PLXNA4: variants seen among roughly 807,000 people sequenced by gnomAD.
PLXNA4 encodes plexin A4, also known as plexin-A4.
Under a neutral mutation model 191.8 loss-of-function variants are expected in PLXNA4, and 44 were observed. That is an observed-to-expected ratio of 0.23 (90% confidence interval 0.18 to 0.29). The LOEUF (loss-of-function observed/expected upper bound fraction) is 0.29. Among genes scored for constraint, PLXNA4 ranks in the 10% least tolerant of loss-of-function variants. The pLI is 1.00. For synonymous variants in PLXNA4, 1,082 were observed against 1,009.5 expected, an observed-to-expected ratio of 1.07 and a Z score of -1.36; for missense variants, 1,800 against 2,488.8, an observed-to-expected ratio of 0.72 and a Z score of 5.89.
At chr7:132,564,287 CCTT>C (rs1474141577) in intron 1 of PLXNA4, among the ~76,000 whole-genome samples, 2 of 145,144 alleles carry the variant, frequency 1.4e-5, no homozygotes, top group African/African-American at 5.1e-5. Context: ...TCCTCCTCCT[CCTT>C]CTGCTGCTCC....
At chr7:132,388,773 G>C (rs902906515) in intron 3 of PLXNA4, among the ~76,000 whole-genome samples, 1 of 152,010 alleles carries the variant, frequency 6.6e-6, no homozygotes, top group Non-Finnish European at 1.5e-5. Flanking sequence ...TAGAATTCAG[G>C]GTGGGATGAG....
chr7:132,296,826 C>T (rs1456461611), intron 4 of PLXNA4, among the ~76,000 whole-genome samples: 1 of 152,062 alleles, frequency 6.6e-6, no homozygotes, highest in Non-Finnish European at 1.5e-5. Context: ...TGCCCAGCTG[C>T]AGGCTCCATC....
At chr7:132,562,706 CACCTCCTCCTCCTTT>C (rs1342074224) in intron 1 of PLXNA4, among the ~76,000 whole-genome samples, 1 of 107,072 alleles carries the variant, frequency 9.3e-6, no homozygotes, top group African/African-American at 4.0e-5. Flanking sequence ...CCTCCTCCTT[CACCTCCTCCTCCTTT>C]TCCTCGTCCT....
At chr7:132,563,046 T>C (rs1282423095) in intron 1 of PLXNA4, among the ~76,000 whole-genome samples, 3 of 70,214 alleles carry the variant, frequency 4.3e-5, no homozygotes, top group Non-Finnish European at 8.3e-5. Flanking sequence ...CCTTCTCTTC[T>C]TTCTCTGCCT....
intron 3 of PLXNA4, among the ~76,000 whole-genome samples, chr7:132,333,849 G>A (rs998934948): frequency 1.3e-5 from 2 of 152,152 alleles, no homozygotes; most frequent in African/African-American, 2.4e-5. Context: ...GCTTTTGAGC[G>A]GGAGGGACTC....
chr7:132,219,058 G>A (rs1798059014), intron 9 of PLXNA4, among the ~76,000 whole-genome samples: 1 of 152,180 alleles, frequency 6.6e-6, no homozygotes, highest in African/African-American at 2.4e-5. Context: ...TTCCTGAGAT[G>A]CAAGATGGTG....
chr7:132,127,015 T>A lies in PLXNA4; in HGVS notation c.*3464A>T, dbSNP rs1794786533. 6.8e-6 allele frequency: 1 copy of A among 146,944 alleles called. No homozygotes were observed. Among genetic ancestry groups the A allele is most frequent in the African/African-American group, 2.7e-5 (1 of 36,872 alleles). 9.1% of individuals were successfully genotyped at this position (146,944 alleles called of 1,614,324 possible). A position where few individuals can be genotyped will look rare whatever the true frequency, so the allele number is the denominator to read the frequency against. Reference sequence around the variant, plus strand: ...GGACAAAGAATGGGTAAAAGCTGCATCTGGGGGGACTTGTGGCCAGGAGAA... The same window carrying A: ...GGACAAAGAATGGGTAAAAGCTGCAACTGGGGGGACTTGTGGCCAGGAGAA... On this transcript the variant is annotated 3_prime_UTR_variant, in exon 32 of 32. Coordinates refer to ENST00000321063, the MANE Select transcript of PLXNA4 (RefSeq NM_020911.2).
At chr7:132,167,290 G>A (rs1188574672) in intron 22 of PLXNA4, among the ~76,000 whole-genome samples, 1 of 152,148 alleles carries the variant, frequency 6.6e-6, no homozygotes, top group African/African-American at 2.4e-5. Context: ...GGACCTTTAA[G>A]GTTTCAACAG....
intron 3 of PLXNA4, among the ~76,000 whole-genome samples, chr7:132,478,888 A>T (rs1396554001): frequency 1.3e-5 from 2 of 151,980 alleles, no homozygotes; most frequent in Non-Finnish European, 2.9e-5. Context: ...CAGAAAGACA[A>T]CCCATCTCTT....
rs535404195 is a variant in PLXNA4, at chr7:132,422,253, G to A, written c.1371+67039C>T. Among the ~76,000 whole-genome samples the A allele has an allele frequency of 2.0e-5, 3 of 152,302 alleles. No individual in the cohort carries two copies. The East Asian group carries it at 5.8e-4, about 29-fold the overall frequency. ...AGAATCTGACTTCCTGCAGAACAAT[G>A]GGTGCCTTACCCAGACAGAACTGAT... is the stretch of plus-strand genomic sequence containing the variant. On this transcript the variant is annotated intron_variant, in intron 3 of 31. Coordinates refer to ENST00000321063, the MANE Select transcript of PLXNA4 (RefSeq NM_020911.2).
rs1182728817 is a variant in PLXNA4, at chr7:132,507,914, T to A, written c.780A>T (p.Gln260His). The part of the protein sequence containing the change: ...SGNFVYFLTL[Q>H]PEMVSPPGST... ...AGCCTGGTGGAGACACCATCTCAGG[T>A]TGGAGGGTCAAAAAGTAGACAAAGT... is the stretch of plus-strand genomic sequence containing the variant. The change falls in exon 2 of 32, where the codon CAA becomes CAT. Residue 260 changes from glutamine to histidine, a missense_variant. Physicochemically the swap from Gln to His is conservative, Grantham distance 24. Transcript: ENST00000321063. The A allele has an allele frequency of 5.6e-6, 9 of 1,613,920 alleles. No homozygotes were observed. The highest frequency in any genetic ancestry group is 1.3e-5 in the African/African-American group (1 of 74,880).
intron 3 of PLXNA4, among the ~76,000 whole-genome samples, chr7:132,422,812 A>C (rs1294230273): frequency 6.6e-6 from 1 of 152,232 alleles, no homozygotes; most frequent in African/African-American, 2.4e-5. Context: ...AGGGGGTATT[A>C]TTACCCCACT....
intron 3 of PLXNA4, among the ~76,000 whole-genome samples, chr7:132,446,816 A>T (rs1795929108): frequency 6.6e-6 from 1 of 152,166 alleles, no homozygotes; most frequent in Non-Finnish European, 1.5e-5. Flanking sequence ...TAAGCGGTAG[A>T]TCTGGGATTC....
chr7:132,246,157 G>A (rs541293399), intron 4 of PLXNA4, among the ~76,000 whole-genome samples: 16 of 152,134 alleles, frequency 1.1e-4, no homozygotes, highest in Admixed American at 5.9e-4. Context: ...TTTCATCTTC[G>A]GCATGGCAGC....
chr7:132,354,282 C>T (rs1221388974), intron 3 of PLXNA4, among the ~76,000 whole-genome samples: 1 of 152,150 alleles, frequency 6.6e-6, no homozygotes, highest in African/African-American at 2.4e-5. Context: ...ACATGTATCC[C>T]TGTGAACTCA....
At chr7:132,424,569 C>G (rs184479041) in intron 3 of PLXNA4, among the ~76,000 whole-genome samples, 1 of 152,138 alleles carries the variant, frequency 6.6e-6, no homozygotes, top group East Asian at 1.9e-4. Flanking sequence ...TCATTCCTGC[C>G]CAGGGCTCCC....
chr7:132,342,042 G>C (rs1312305330), intron 3 of PLXNA4, among the ~76,000 whole-genome samples: 1 of 151,516 alleles, frequency 6.6e-6, no homozygotes, highest in Non-Finnish European at 1.5e-5. Flanking sequence ...GGCATCAAGG[G>C]AGGCAGGGGG....
chr7:132,360,610 C>T (rs757054449), intron 3 of PLXNA4, among the ~76,000 whole-genome samples: 7 of 152,148 alleles, frequency 4.6e-5, no homozygotes, highest in East Asian at 1.9e-4. Flanking sequence ...AATGATGTTT[C>T]GACAACAACA....
chr7:132,259,436 C>CAAAAAAAAAAAAAAAAAA (rs55902635), intron 4 of PLXNA4, among the ~76,000 whole-genome samples: 15 of 33,864 alleles, frequency 4.4e-4, no homozygotes, highest in African/African-American at 1.2e-3. Flanking sequence ...AACTCCAACT[C>CAAAAAAAAAAAAAAAAAA]AAAAAAAAAA....
Sources: allele counts gnomAD v4.1 joint callset (sites outside exome capture counted in the v4.1 genomes callset), GRCh38; gene constraint gnomAD v4.1.1; transcripts MANE v1.5; gene names NCBI Gene and HGNC (gene_info 2026-07-23, HGNC 2026-07-21).